The following ROBO1 variants were observed in gnomAD, a reference collection of about 807,000 sequenced individuals.
ROBO1 encodes roundabout guidance receptor 1.
Under a neutral mutation model 195.9 loss-of-function variants are expected in ROBO1, and 149 were observed. The ratio of observed to expected loss-of-function variants is 0.76; its 90% confidence interval spans 0.67 to 0.87. The LOEUF is 0.87. Ranked by LOEUF, ROBO1 falls within the 40% of genes least tolerant of loss-of-function variation. The pLI, the probability that ROBO1 is intolerant of heterozygous loss-of-function variation, is 0.00. For synonymous variants in ROBO1, 816 were observed against 733.2 expected (o/e 1.11, Z -1.82); for missense variants, 1,933 against 2,068.3 (o/e 0.93, Z 1.27).
rs563736206 is a variant in ROBO1, at chr3:78,643,652, C to T, written c.2882+2496G>A. Among the ~76,000 whole-genome samples, 21 of 152,002 alleles carry T rather than the reference C, an allele frequency of 1.4e-4. No individual in the cohort carries two copies. The South Asian group carries it at 3.9e-3, about 29-fold the overall frequency. On this transcript the variant is annotated intron_variant, in intron 21 of 30. Coordinates refer to ENST00000464233, the MANE Select transcript of ROBO1 (RefSeq NM_002941.4). Reference sequence around the variant, plus strand: ...GAGCTGTGGACTTTGCATATTATGCCGAGTTTGGATCTGATATTCTAAACA... The same window carrying T: ...GAGCTGTGGACTTTGCATATTATGCTGAGTTTGGATCTGATATTCTAAACA...
intron 1 of ROBO1, among the ~76,000 whole-genome samples, chr3:79,686,983 G>A (rs560846778): frequency 3.3e-5 from 5 of 152,278 alleles, no homozygotes; most frequent in African/African-American, 1.2e-4. Flanking sequence ...TAAGGCTACA[G>A]TAACCAAAAC....
intron 5 of ROBO1, among the ~76,000 whole-genome samples, chr3:78,731,537 AAC>A (rs2082286253): frequency 6.6e-6 from 1 of 152,142 alleles, no homozygotes; most frequent in Non-Finnish European, 1.5e-5. Context: ...AACATTTAAA[AAC>A]ACAGCACTTA....
At chr3:79,724,063 T>C (rs1298900423) in intron 1 of ROBO1, among the ~76,000 whole-genome samples, 1 of 152,194 alleles carries the variant, frequency 6.6e-6, no homozygotes, top group Non-Finnish European at 1.5e-5. Context: ...TCTGTGTTCA[T>C]CTTTTACAGT....
intron 4 of ROBO1, among the ~76,000 whole-genome samples, chr3:78,765,610 G>A (rs955186638): frequency 2.0e-5 from 3 of 152,048 alleles, no homozygotes; most frequent in African/African-American, 4.8e-5. Context: ...AGATTATTAT[G>A]GTGAGCACTA....
chr3:79,039,745 T>A (rs1344069825), intron 3 of ROBO1, among the ~76,000 whole-genome samples: 2 of 133,662 alleles, frequency 1.5e-5, no homozygotes, highest in African/African-American at 2.9e-5. Context: ...AGGTTGCAGG[T>A]GACCCGAGAT....
chr3:79,436,819 T>C (rs1466383019), intron 2 of ROBO1, among the ~76,000 whole-genome samples: 2 of 152,058 alleles, frequency 1.3e-5, no homozygotes, highest in East Asian at 3.9e-4. Context: ...GTGAAGGTGG[T>C]TATAAAAAGA....
At chr3:78,738,557 T>C (rs2082447821) in intron 5 of ROBO1, among the ~76,000 whole-genome samples, 2 of 152,182 alleles carry the variant, frequency 1.3e-5, no homozygotes, top group South Asian at 4.1e-4. Flanking sequence ...ATGTGATTTG[T>C]TATTCACTAT....
At chr3:78,794,997 A>G (rs1160026984) in intron 4 of ROBO1, among the ~76,000 whole-genome samples, 1 of 152,192 alleles carries the variant, frequency 6.6e-6, no homozygotes, top group Non-Finnish European at 1.5e-5. Context: ...TAGTACTTGT[A>G]ATTACATTTA....
At chr3:79,757,499 C>T (rs1559559964) in intron 1 of ROBO1, among the ~76,000 whole-genome samples, 1 of 141,896 alleles carries the variant, frequency 7.0e-6, no homozygotes. Flanking sequence ...CTCTCTCTCT[C>T]TCTCTCTCTC....
At chr3:78,913,876 C>T (rs1443927325) in intron 4 of ROBO1, among the ~76,000 whole-genome samples, 1 of 152,140 alleles carries the variant, frequency 6.6e-6, no homozygotes, top group Non-Finnish European at 1.5e-5. Context: ...ATGGGAAGTA[C>T]TTCTAGAGAG....
chr3:79,326,260 C>G (rs1349350878), intron 2 of ROBO1, among the ~76,000 whole-genome samples: 2 of 152,124 alleles, frequency 1.3e-5, no homozygotes, highest in Admixed American at 6.5e-5. Context: ...TATTCTATTA[C>G]CTTGTGAAGC....
chr3:78,650,785 T>A (rs561406510), intron 19 of ROBO1, among the ~76,000 whole-genome samples: 1 of 152,314 alleles, frequency 6.6e-6, no homozygotes, highest in Admixed American at 6.5e-5. Context: ...TAATCTGCCA[T>A]TTAAGTCAGT....
intron 2 of ROBO1, among the ~76,000 whole-genome samples, chr3:79,448,656 C>T (rs1310996192): frequency 6.6e-6 from 1 of 151,978 alleles, no homozygotes; most frequent in Non-Finnish European, 1.5e-5. Flanking sequence ...CATCTAAATA[C>T]CAAAGTTGGT....
intron 2 of ROBO1, among the ~76,000 whole-genome samples, chr3:79,359,268 C>A (rs759299886): frequency 2.9e-4 from 44 of 151,864 alleles, no homozygotes; most frequent in Non-Finnish European, 5.6e-4. Flanking sequence ...TGATAAACAT[C>A]AAAAACATAC....
At chr3:78,671,595 TAA>T (rs550299173) in intron 10 of ROBO1, among the ~76,000 whole-genome samples, 12 of 136,304 alleles carry the variant, frequency 8.8e-5, no homozygotes, top group Non-Finnish European at 6.4e-5. Flanking sequence ...GCATGCAAAC[TAA>T]AAAAAAAAAA....
intron 2 of ROBO1, among the ~76,000 whole-genome samples, chr3:79,394,455 C>T (rs2037063867): frequency 6.6e-6 from 1 of 151,770 alleles, no homozygotes; most frequent in African/African-American, 2.4e-5. Flanking sequence ...ACTATATGTG[C>T]ATTCTGAATT....
At chr3:79,402,535 A>G (rs2037404462) in intron 2 of ROBO1, among the ~76,000 whole-genome samples, 1 of 151,924 alleles carries the variant, frequency 6.6e-6, no homozygotes, top group African/African-American at 2.4e-5. Flanking sequence ...TACCCCAAAC[A>G]AAGTCACCGG....
At chr3:79,560,858 G>A (rs1223284747) in intron 2 of ROBO1, among the ~76,000 whole-genome samples, 3 of 152,024 alleles carry the variant, frequency 2.0e-5, no homozygotes, top group African/African-American at 7.2e-5. Context: ...TATTTAAGTT[G>A]TCATGTAAGA....
chr3:78,803,674 T>C (rs1278704194), intron 4 of ROBO1, among the ~76,000 whole-genome samples: 1 of 152,064 alleles, frequency 6.6e-6, no homozygotes, highest in Non-Finnish European at 1.5e-5. Flanking sequence ...ACTTTTTTCC[T>C]GTAAGCTAAG....
Sources: allele counts gnomAD v4.1 joint callset (sites outside exome capture counted in the v4.1 genomes callset), GRCh38; gene constraint gnomAD v4.1.1; transcripts MANE v1.5; gene names NCBI Gene and HGNC (gene_info 2026-07-23, HGNC 2026-07-21).